CSMD1: variants seen among roughly 807,000 people sequenced by gnomAD.
CSMD1 encodes CUB and Sushi multiple domains 1, also known as CUB and sushi domain-containing protein 1.
Under a neutral mutation model 417.5 loss-of-function variants are expected in CSMD1, and 213 were observed. That is an observed-to-expected ratio of 0.51 (90% CI 0.46 to 0.57). The LOEUF (loss-of-function observed/expected upper bound fraction) is 0.57. Among genes scored for constraint, CSMD1 ranks in the 20% least tolerant of loss-of-function variants. The pLI is 0.00. For synonymous variants in CSMD1, 2,862 were observed against 1,736.8 expected, an observed-to-expected ratio of 1.65 and a Z score of -16.11; for missense variants, 6,923 against 4,529.7, an observed-to-expected ratio of 1.53 and a Z score of -15.17.
chr8:3,767,794 C>A (rs143832579), intron 5 of CSMD1, among the ~76,000 whole-genome samples: 1 of 152,138 alleles, frequency 6.6e-6, no homozygotes, highest in African/African-American at 2.4e-5. Context: ...CATCTTCTCA[C>A]GTACACGGGC....
At chr8:4,101,443 T>A (rs1180598976) in intron 3 of CSMD1, among the ~76,000 whole-genome samples, 1 of 152,172 alleles carries the variant, frequency 6.6e-6, no homozygotes, top group East Asian at 1.9e-4. Context: ...CAGTTACCCT[T>A]GTGCTCTGAC....
intron 7 of CSMD1, among the ~76,000 whole-genome samples, chr8:3,694,139 G>C (rs1041831241): frequency 6.6e-6 from 1 of 152,016 alleles, no homozygotes; most frequent in Admixed American, 6.6e-5. Flanking sequence ...GGCGTGGTGT[G>C]TGTGTACATG....
chr8:3,291,099 T>C lies in CSMD1; in HGVS notation c.3951-6753A>G, dbSNP rs1803523880. ...TGAGATAATCATGTGGTTTTTGTCG[T>C]TGGTTCTGTTTATATGCTAGATTAC... On this transcript the variant is annotated intron_variant, in intron 25 of 69. Coordinates refer to ENST00000635120, the MANE Select transcript of CSMD1 (RefSeq NM_033225.6). 2.0e-5 allele frequency among the ~76,000 whole-genome samples: 3 copies of C among 152,216 alleles called. No individual in the cohort carries two copies. In the South Asian group the frequency reaches 6.2e-4, roughly 32 times the overall value.
chr8:3,515,907 C>G (rs986093244), intron 10 of CSMD1, among the ~76,000 whole-genome samples: 1 of 152,182 alleles, frequency 6.6e-6, no homozygotes, highest in African/African-American at 2.4e-5. Flanking sequence ...TGTTTGGTTA[C>G]AGCAGAAGGC....
At chr8:3,687,430 CAAAT>C (rs373279657) in intron 7 of CSMD1, among the ~76,000 whole-genome samples, 76 of 152,300 alleles carry the variant, frequency 5.0e-4, no homozygotes, top group African/African-American at 1.8e-3. Context: ...ACTTGCCTCT[CAAAT>C]AAATTATGGA....
At chr8:4,617,789 G>A (rs75331602) in intron 2 of CSMD1, among the ~76,000 whole-genome samples, 8,359 of 152,066 alleles carry the variant, frequency 0.055, 302 homozygotes, top group Non-Finnish European at 0.078. Context: ...TTATTTGCTT[G>A]CTCATATGTT....
At chr8:3,313,960 G>C (rs1432631243) in intron 23 of CSMD1, among the ~76,000 whole-genome samples, 2 of 152,166 alleles carry the variant, frequency 1.3e-5, no homozygotes, top group Non-Finnish European at 2.9e-5. Flanking sequence ...ATGAGTTCAT[G>C]TCCTTTGTAG....
At chr8:3,485,368 T>C (rs1005118467) in intron 11 of CSMD1, among the ~76,000 whole-genome samples, 2 of 152,086 alleles carry the variant, frequency 1.3e-5, no homozygotes, top group African/African-American at 4.8e-5. Context: ...GCAGATAATG[T>C]TTGGCAGGGG....
chr8:4,397,261 T>G (rs898320250), intron 3 of CSMD1, among the ~76,000 whole-genome samples: 2 of 152,138 alleles, frequency 1.3e-5, no homozygotes, highest in Non-Finnish European at 2.9e-5. Context: ...CGTTTTTTCA[T>G]AAAAACTGAG....
intron 5 of CSMD1, among the ~76,000 whole-genome samples, chr8:3,782,273 C>A (rs943821798): frequency 6.6e-6 from 1 of 152,168 alleles, no homozygotes; most frequent in Non-Finnish European, 1.5e-5. Context: ...TTTAATGATA[C>A]TCATTGACTT....
At chr8:3,993,591 C>A (rs1188850492) in intron 5 of CSMD1, among the ~76,000 whole-genome samples, 1 of 152,150 alleles carries the variant, frequency 6.6e-6, no homozygotes, top group Non-Finnish European at 1.5e-5. Flanking sequence ...ACTGTCACCC[C>A]AGAGTTTCCC....
intron 39 of CSMD1, among the ~76,000 whole-genome samples, chr8:3,153,533 G>A (rs753640135): frequency 1.4e-4 from 22 of 152,118 alleles, no homozygotes; most frequent in Non-Finnish European, 2.8e-4. Context: ...GAAAAAGGCC[G>A]AATCAATGAC....
intron 5 of CSMD1, among the ~76,000 whole-genome samples, chr8:3,969,481 G>C (rs533299738): frequency 2.3e-4 from 35 of 152,232 alleles, no homozygotes; most frequent in African/African-American, 8.4e-4. Flanking sequence ...CTATAAGTTT[G>C]TGTTTTTTTT....
At chr8:3,000,483 T>C (rs1807304495) in intron 52 of CSMD1, among the ~76,000 whole-genome samples, 1 of 152,152 alleles carries the variant, frequency 6.6e-6, no homozygotes, top group African/African-American at 2.4e-5. Context: ...TTCTTGGAAT[T>C]AACATGAACA....
At chr8:4,497,551 A>G (rs891471) in intron 2 of CSMD1, among the ~76,000 whole-genome samples, 121,004 of 152,144 alleles carry the variant, frequency 0.8, 48,173 homozygotes, top group East Asian at 0.86. Context: ...ACTGAGGAGC[A>G]GGGAGGAAAG....
At chr8:3,080,286 A>G (rs932726532) in intron 49 of CSMD1, among the ~76,000 whole-genome samples, 5 of 152,190 alleles carry the variant, frequency 3.3e-5, no homozygotes, top group Non-Finnish European at 5.9e-5. Flanking sequence ...CCTCAAGATG[A>G]ATAAGATTAG....
intron 6 of CSMD1, among the ~76,000 whole-genome samples, chr8:3,743,868 G>A (rs73187285): frequency 1.3e-4 from 20 of 151,972 alleles, no homozygotes; most frequent in Non-Finnish European, 2.6e-4. Context: ...CTATGTTATC[G>A]TATGTAAAAT....
chr8:3,270,046 C>CTTTTTTTTTTT (rs200994813), intron 26 of CSMD1, among the ~76,000 whole-genome samples: 14 of 118,386 alleles, frequency 1.2e-4, no homozygotes, highest in African/African-American at 3.4e-4. Flanking sequence ...CTAACCTCTT[C>CTTTTTTTTTTT]TTTTTTTTTT....
intron 2 of CSMD1, among the ~76,000 whole-genome samples, chr8:4,447,778 TAAAAG>T (rs1358796709): frequency 6.6e-6 from 1 of 152,154 alleles, no homozygotes; most frequent in Non-Finnish European, 1.5e-5. Context: ...TCAAGTGTTA[TAAAAG>T]GAGAAGAAAA....
Sources: allele counts gnomAD v4.1 joint callset (sites outside exome capture counted in the v4.1 genomes callset), GRCh38; gene constraint gnomAD v4.1.1; transcripts MANE v1.5; gene names NCBI Gene and HGNC (gene_info 2026-07-23, HGNC 2026-07-21).